ALK: variants seen among roughly 807,000 people sequenced by gnomAD.
ALK encodes ALK receptor tyrosine kinase, also known as ALK tyrosine kinase receptor.
A neutral mutation model predicts 163.1 loss-of-function variants in ALK; 74 were observed. The ratio of observed to expected loss-of-function variants is 0.45; its 90% CI spans 0.38 to 0.55. The LOEUF (loss-of-function observed/expected upper bound fraction) is 0.55, where lower values mean the gene tolerates loss of function less well. ALK is among the 20% of genes least tolerant of loss of function. The pLI, the probability that ALK is intolerant of heterozygous loss-of-function variation, is 0.00. For synonymous variants in ALK, 960 were observed against 843.2 expected, an observed-to-expected ratio of 1.14 and a Z score of -2.40; for missense variants, 2,063 against 2,105.3, an observed-to-expected ratio of 0.98 and a Z score of 0.39.
intron 5 of ALK, among the ~76,000 whole-genome samples, chr2:29,371,110 G>A (rs1668628007): frequency 6.6e-6 from 1 of 152,218 alleles, no homozygotes; most frequent in Admixed American, 6.5e-5. Flanking sequence ...GAGACCATTT[G>A]CTCTATGGTT....
At chr2:29,688,175 C>T (rs181578822) in intron 3 of ALK, among the ~76,000 whole-genome samples, 21 of 152,266 alleles carry the variant, frequency 1.4e-4, no homozygotes, top group African/African-American at 2.6e-4. Context: ...TAGAGCTGTC[C>T]GTGAGGCCTT....
At chr2:29,893,785 G>C (rs1322769285) in intron 1 of ALK, among the ~76,000 whole-genome samples, 1 of 152,122 alleles carries the variant, frequency 6.6e-6, no homozygotes, top group African/African-American at 2.4e-5. Flanking sequence ...TTCAAGAACA[G>C]TGGCTCAAGA....
chr2:29,682,318 G>A (rs544740228), intron 3 of ALK, among the ~76,000 whole-genome samples: 1 of 152,286 alleles, frequency 6.6e-6, no homozygotes, highest in East Asian at 1.9e-4. Context: ...CAAAAGCACT[G>A]AGACTCCTGT....
intron 8 of ALK, among the ~76,000 whole-genome samples, chr2:29,317,514 G>C (rs1405794831): frequency 6.6e-6 from 1 of 152,168 alleles, no homozygotes; most frequent in African/African-American, 2.4e-5. Flanking sequence ...GCTAAATACT[G>C]CAGTGCTTAC....
chr2:29,613,719 T>C (rs541319232), intron 3 of ALK, among the ~76,000 whole-genome samples: 12 of 152,314 alleles, frequency 7.9e-5, no homozygotes, highest in African/African-American at 2.9e-4. Context: ...TCACAATAAA[T>C]ACACAGCATT....
At chr2:29,408,678 T>C (rs1669654401) in intron 4 of ALK, among the ~76,000 whole-genome samples, 1 of 152,252 alleles carries the variant, frequency 6.6e-6, no homozygotes, top group Admixed American at 6.5e-5. Context: ...CTGATGATCT[T>C]GATCAAACTA....
intron 2 of ALK, among the ~76,000 whole-genome samples, chr2:29,698,680 T>C (rs528670241): frequency 1.2e-4 from 19 of 152,190 alleles, no homozygotes; most frequent in Non-Finnish European, 2.2e-4. Flanking sequence ...AATTCTTGGA[T>C]CTTTGAACTC....
chr2:29,260,075 T>C (rs961111776), intron 11 of ALK, among the ~76,000 whole-genome samples: 3 of 152,206 alleles, frequency 2.0e-5, no homozygotes, highest in Admixed American at 6.5e-5. Flanking sequence ...AAAAATTTCC[T>C]CTTTTTAACT....
At chr2:29,225,964 T>C (rs1328397018) in intron 18 of ALK, among the ~76,000 whole-genome samples, 1 of 152,134 alleles carries the variant, frequency 6.6e-6, no homozygotes, top group Admixed American at 6.5e-5. Flanking sequence ...CTTGTGGCCC[T>C]GAGGCACTGG....
intron 1 of ALK, among the ~76,000 whole-genome samples, chr2:29,888,246 G>GTTTTTTTTGT (rs1667034925): frequency 3.2e-5 from 1 of 31,592 alleles, no homozygotes; most frequent in African/African-American, 1.2e-4. Context: ...CCAATAAATT[G>GTTTTTTTTGT]TTTTTTTTTT....
At chr2:29,869,573 A>C (rs1215506988) in intron 1 of ALK, among the ~76,000 whole-genome samples, 2 of 152,208 alleles carry the variant, frequency 1.3e-5, no homozygotes, top group African/African-American at 4.8e-5. Flanking sequence ...AAGAAAATCA[A>C]TTTAGATCCT....
intron 2 of ALK, among the ~76,000 whole-genome samples, chr2:29,713,712 A>C (rs1679170443): frequency 2.0e-5 from 3 of 152,228 alleles, no homozygotes; most frequent in Admixed American, 2.0e-4. Context: ...AAGCACATTA[A>C]TAAACTCCTT....
intron 1 of ALK, among the ~76,000 whole-genome samples, chr2:29,871,422 T>C (rs1666574306): frequency 6.6e-6 from 1 of 152,224 alleles, no homozygotes; most frequent in Non-Finnish European, 1.5e-5. Context: ...CTTCCCACTA[T>C]TGCCCACTCA....
chr2:29,910,150 GACATAA>G (rs1301021612), intron 1 of ALK, among the ~76,000 whole-genome samples: 1 of 152,050 alleles, frequency 6.6e-6, no homozygotes, highest in Non-Finnish European at 1.5e-5. Flanking sequence ...CTTAGAGAAA[GACATAA>G]ACATAATGAA....
At chr2:29,254,705 G>A (rs1664909032) in intron 11 of ALK, among the ~76,000 whole-genome samples, 1 of 152,142 alleles carries the variant, frequency 6.6e-6, no homozygotes, top group Admixed American at 6.5e-5. Flanking sequence ...CGATGACCTA[G>A]GCAAAGTGCT....
intron 1 of ALK, among the ~76,000 whole-genome samples, chr2:29,903,245 TG>T (rs1361006176): frequency 6.6e-6 from 1 of 152,218 alleles, no homozygotes; most frequent in African/African-American, 2.4e-5. Flanking sequence ...AAAAAGTCAG[TG>T]AACCATTAAG....
intron 3 of ALK, among the ~76,000 whole-genome samples, chr2:29,553,604 C>T (rs1264559146): frequency 6.6e-6 from 1 of 152,180 alleles, no homozygotes; most frequent in Non-Finnish European, 1.5e-5. Flanking sequence ...TTGTCATTTG[C>T]ATACACTCAA....
At chr2:29,601,792 G>A (rs1358101417) in intron 3 of ALK, among the ~76,000 whole-genome samples, 1 of 152,176 alleles carries the variant, frequency 6.6e-6, no homozygotes, top group Non-Finnish European at 1.5e-5. Context: ...AGAGGGTCCA[G>A]ACCTCGTCCT....
chr2:29,678,024 C>G (rs1677937212), intron 3 of ALK, among the ~76,000 whole-genome samples: 1 of 151,862 alleles, frequency 6.6e-6, no homozygotes, highest in Non-Finnish European at 1.5e-5. Flanking sequence ...ATTTGTGTGT[C>G]TCTAGAAATC....
Sources: gnomAD v4.1 joint callset for allele counts (sites outside exome capture counted in the v4.1 genomes callset) on GRCh38, gnomAD v4.1.1 for gene constraint, MANE v1.5 for transcripts, NCBI Gene and HGNC (gene_info 2026-07-23, HGNC 2026-07-21) for gene names.